Variants in GASK1A observed in about 807,000 individuals in gnomAD.
The protein encoded by GASK1A is Golgi-associated kinase 1A.
Under a neutral mutation model 41.2 loss-of-function variants are expected in GASK1A, and 40 were observed. The ratio of observed to expected loss-of-function variants is 0.97; its 90% confidence interval spans 0.75 to 1.27. The LOEUF (loss-of-function observed/expected upper bound fraction) is 1.27. GASK1A is among the 50% of genes most tolerant of loss of function. The probability of loss-of-function intolerance (pLI) is 0.00; values close to 1 mark genes in which losing one functional copy is unlikely to be tolerated. For missense variants in GASK1A, 678 were observed against 745.1 expected, an observed-to-expected ratio of 0.91 and a Z score of 1.05; for synonymous variants, 316 against 307.1, an observed-to-expected ratio of 1.03 and a Z score of -0.30.
chr3:42,989,184 T>C (rs1178458348), intron 1 of GASK1A, among the ~76,000 whole-genome samples: 1 of 150,010 alleles, frequency 6.7e-6, no homozygotes, highest in East Asian at 2.0e-4. Flanking sequence ...ACTGGCCAGG[T>C]GGAAGGAAAG....
chr3:43,019,353 C>A (rs1383124438), intron 1 of GASK1A, among the ~76,000 whole-genome samples: 4 of 152,140 alleles, frequency 2.6e-5, no homozygotes, highest in African/African-American at 9.7e-5. Context: ...CCTCTCAGGA[C>A]CCAGCATATC....
intron 1 of GASK1A, among the ~76,000 whole-genome samples, chr3:42,983,127 G>T (rs1215781712): frequency 6.6e-6 from 1 of 152,156 alleles, no homozygotes; most frequent in Admixed American, 6.5e-5. Context: ...GAAAGGCCTG[G>T]GGTTTGCAGT....
chr3:43,000,025 A>G (rs1172134881), intron 1 of GASK1A, among the ~76,000 whole-genome samples: 2 of 152,202 alleles, frequency 1.3e-5, no homozygotes, highest in Non-Finnish European at 2.9e-5. Context: ...CTAATCTAAG[A>G]CAGTCTCTTC....
intron 2 of GASK1A, among the ~76,000 whole-genome samples, chr3:43,043,953 C>A (rs942051729): frequency 6.6e-6 from 1 of 152,208 alleles, no homozygotes; most frequent in Non-Finnish European, 1.5e-5. Context: ...AGAATAATCA[C>A]ACTGGCAAGT....
intron 1 of GASK1A, among the ~76,000 whole-genome samples, chr3:43,023,951 G>T (rs893042149): frequency 1.3e-5 from 2 of 152,198 alleles, no homozygotes; most frequent in African/African-American, 4.8e-5. Flanking sequence ...TCAGGTCCTT[G>T]AGGTGGGGAC....
intron 1 of GASK1A, among the ~76,000 whole-genome samples, chr3:42,985,586 T>G (rs200165894): frequency 0.012 from 1,690 of 144,266 alleles, 21 homozygotes; most frequent in Non-Finnish European, 0.016. Context: ...TGTGTGTGTG[T>G]GGGCGGAGGC....
At chr3:43,021,492 C>T (rs945179166) in intron 1 of GASK1A, among the ~76,000 whole-genome samples, 2 of 152,076 alleles carry the variant, frequency 1.3e-5, no homozygotes, top group South Asian at 2.1e-4. Flanking sequence ...TCTGACTTTA[C>T]GATGAGCCAA....
chr3:43,038,524 A>G (rs1023163711), intron 2 of GASK1A, among the ~76,000 whole-genome samples: 3 of 151,952 alleles, frequency 2.0e-5, no homozygotes, highest in African/African-American at 7.2e-5. Flanking sequence ...TGCTTTATGC[A>G]TTATTGTTCT....
chr3:43,028,254 T>C (rs945500032), intron 1 of GASK1A, among the ~76,000 whole-genome samples: 8 of 152,202 alleles, frequency 5.3e-5, no homozygotes, highest in Non-Finnish European at 1.0e-4. Flanking sequence ...TTGATGTCAA[T>C]GCTGGTCAGC....
intron 1 of GASK1A, among the ~76,000 whole-genome samples, chr3:43,016,957 G>T (rs1480028930): frequency 6.6e-6 from 1 of 151,738 alleles, no homozygotes; most frequent in African/African-American, 2.4e-5. Context: ...GAAAGGGGCT[G>T]TGTGATTTCA....
intron 1 of GASK1A, among the ~76,000 whole-genome samples, chr3:43,025,877 T>C (rs1204237579): frequency 6.6e-6 from 1 of 152,150 alleles, no homozygotes; most frequent in African/African-American, 2.4e-5. Flanking sequence ...TAGCAGAAAG[T>C]AACAAAGAAG....
chr3:43,026,571 A>G (rs1055498397), intron 1 of GASK1A, among the ~76,000 whole-genome samples: 42 of 152,242 alleles, frequency 2.8e-4, no homozygotes, highest in African/African-American at 1.0e-3. Flanking sequence ...GCAAGAACTC[A>G]AGAAAAAATG....
At chr3:42,983,174 G>A (rs1377781168) in intron 1 of GASK1A, among the ~76,000 whole-genome samples, 1 of 152,126 alleles carries the variant, frequency 6.6e-6, no homozygotes, top group Non-Finnish European at 1.5e-5. Flanking sequence ...TCACCGTGTG[G>A]CTCTGGGTAA....
chr3:43,011,812 A>C lies in GASK1A; in HGVS notation c.4-20455A>C, dbSNP rs188530361. 8.6e-4 allele frequency among the ~76,000 whole-genome samples: 128 copies of C among 148,882 alleles called. 2 individuals are homozygous for C. The East Asian group carries it at 0.023, about 27-fold the overall frequency. On this transcript the variant is annotated intron_variant, in intron 1 of 4. Coordinates refer to ENST00000430121, the MANE Select transcript of GASK1A (RefSeq NM_001129908.3). ...GGAGGCTGTGTGAAGCCACAGGGTCAGTATGAAGCCACAGGAAGAGGCAGT... is the reference window on the plus strand; with the variant it reads ...GGAGGCTGTGTGAAGCCACAGGGTCCGTATGAAGCCACAGGAAGAGGCAGT...
chr3:43,038,871 A>G (rs1266392437), intron 2 of GASK1A, among the ~76,000 whole-genome samples: 1 of 152,178 alleles, frequency 6.6e-6, no homozygotes, highest in Non-Finnish European at 1.5e-5. Context: ...AGTTGAAGGG[A>G]GTTCGGCCCT....
intron 1 of GASK1A, among the ~76,000 whole-genome samples, chr3:43,028,228 A>G (rs1228776674): frequency 6.6e-6 from 1 of 152,190 alleles, no homozygotes; most frequent in Non-Finnish European, 1.5e-5. Flanking sequence ...CTGTTCTAAC[A>G]GTCTTAAGGT....
chr3:43,036,782 C>T (rs1010736233), intron 2 of GASK1A, among the ~76,000 whole-genome samples: 1 of 152,164 alleles, frequency 6.6e-6, no homozygotes, highest in Non-Finnish European at 1.5e-5. Flanking sequence ...CTGAGGACCT[C>T]AGCCCTCCGA....
At chr3:43,034,258 G>A (rs987001206) in intron 2 of GASK1A, among the ~76,000 whole-genome samples, 5 of 152,228 alleles carry the variant, frequency 3.3e-5, no homozygotes, top group Non-Finnish European at 7.3e-5. Flanking sequence ...GGGCACTGAA[G>A]AATGAGAAGG....
At chr3:43,035,004 C>G (rs2089597837) in intron 2 of GASK1A, among the ~76,000 whole-genome samples, 1 of 152,210 alleles carries the variant, frequency 6.6e-6, no homozygotes, top group South Asian at 2.1e-4. Flanking sequence ...CCCAGCTCCT[C>G]CAATCTATGT....
Sources: allele counts gnomAD v4.1 joint callset (sites outside exome capture counted in the v4.1 genomes callset), GRCh38; gene constraint gnomAD v4.1.1; transcripts MANE v1.5; gene names NCBI Gene and HGNC (gene_info 2026-07-23, HGNC 2026-07-21).